LCORL: variants seen among roughly 807,000 people sequenced by gnomAD.
LCORL encodes ligand-dependent nuclear receptor corepressor-like protein.
Under a neutral mutation model 141.8 loss-of-function variants are expected in LCORL, and 41 were observed. That is an observed-to-expected ratio of 0.29 (90% CI 0.23 to 0.38). LCORL has a LOEUF of 0.38. LCORL is among the 10% of genes least tolerant of loss of function. The probability of loss-of-function intolerance (pLI) is 1.00; values close to 1 mark genes in which losing one functional copy is unlikely to be tolerated. For missense variants in LCORL, 1,759 were observed against 2,035.0 expected (o/e 0.86, Z 2.61); for synonymous variants, 618 against 694.1 (o/e 0.89, Z 1.72).
intron 1 of LCORL, among the ~76,000 whole-genome samples, chr4:17,973,690 C>T (rs1013143292): frequency 6.6e-6 from 1 of 151,242 alleles, no homozygotes; most frequent in Non-Finnish European, 1.5e-5. Context: ...ATGACAGACC[C>T]TATAAATCAA....
intron 1 of LCORL, among the ~76,000 whole-genome samples, chr4:17,996,352 G>T (rs576941823): frequency 9.2e-5 from 14 of 152,136 alleles, no homozygotes; most frequent in South Asian, 8.3e-4. Context: ...GGGGTTAATA[G>T]CATGCTTTAA....
chr4:17,982,253 T>C (rs1395834001), intron 1 of LCORL, among the ~76,000 whole-genome samples: 1 of 152,154 alleles, frequency 6.6e-6, no homozygotes, highest in Non-Finnish European at 1.5e-5. Flanking sequence ...TGCATGTGTC[T>C]TTACATACAA....
chr4:17,859,607 T>C (rs1196942171), intron 7 of LCORL, among the ~76,000 whole-genome samples: 5 of 152,216 alleles, frequency 3.3e-5, no homozygotes, highest in African/African-American at 1.2e-4. Flanking sequence ...ATGGGGAAAA[T>C]ACTTATTTTC....
chr4:17,956,866 T>A (rs539045711), intron 4 of LCORL, among the ~76,000 whole-genome samples: 1 of 152,238 alleles, frequency 6.6e-6, no homozygotes, highest in South Asian at 2.1e-4. Context: ...TTACACATTG[T>A]ATACATGTAT....
At chr4:17,910,124 T>C (rs1684470047) in intron 4 of LCORL, among the ~76,000 whole-genome samples, 1 of 152,202 alleles carries the variant, frequency 6.6e-6, no homozygotes, top group South Asian at 2.1e-4. Context: ...ACAACTATAA[T>C]AAAGTTCAAC....
At chr4:17,965,881 A>T (rs1313217247) in intron 2 of LCORL, among the ~76,000 whole-genome samples, 3 of 152,096 alleles carry the variant, frequency 2.0e-5, no homozygotes, top group African/African-American at 7.2e-5. Flanking sequence ...GAGTGTTTTA[A>T]TGCTTTTTGG....
At chr4:18,000,375 A>G (rs943848173) in intron 1 of LCORL, among the ~76,000 whole-genome samples, 3 of 152,156 alleles carry the variant, frequency 2.0e-5, no homozygotes, top group African/African-American at 7.2e-5. Context: ...CAAATCTCAA[A>G]CTTGGAGAGG....
At chr4:17,993,352 G>A (rs1577670775) in intron 1 of LCORL, among the ~76,000 whole-genome samples, 1 of 152,058 alleles carries the variant, frequency 6.6e-6, no homozygotes, top group African/African-American at 2.4e-5. Context: ...ACAGGCATGT[G>A]CCACCACAAC....
At chr4:17,947,306 T>C (rs1739037467) in intron 4 of LCORL, among the ~76,000 whole-genome samples, 1 of 151,940 alleles carries the variant, frequency 6.6e-6, no homozygotes, top group South Asian at 2.1e-4. Context: ...ATATTGCATG[T>C]CTTCACTTAT....
intron 5 of LCORL, among the ~76,000 whole-genome samples, chr4:17,892,695 C>T (rs1368985345): frequency 6.6e-6 from 1 of 152,056 alleles, no homozygotes; most frequent in Non-Finnish European, 1.5e-5. Context: ...TAGGAAAATG[C>T]TATAGGTGAA....
intron 5 of LCORL, among the ~76,000 whole-genome samples, chr4:17,891,401 T>C (rs1472978909): frequency 6.6e-6 from 1 of 152,132 alleles, no homozygotes; most frequent in Non-Finnish European, 1.5e-5. Context: ...ATCTTAAAAA[T>C]GTTTACACTC....
chr4:17,943,479 G>A (rs762257299), intron 4 of LCORL, among the ~76,000 whole-genome samples: 4 of 152,150 alleles, frequency 2.6e-5, no homozygotes, highest in Non-Finnish European at 4.4e-5. Context: ...ACTAACACTC[G>A]CTGAAAGGAA....
intron 1 of LCORL, among the ~76,000 whole-genome samples, chr4:18,004,494 C>G (rs1722475871): frequency 6.6e-6 from 1 of 152,142 alleles, no homozygotes; most frequent in Non-Finnish European, 1.5e-5. Flanking sequence ...CATTCACTAT[C>G]ATGAGAACAG....
At chr4:17,955,549 T>C (rs916054903) in intron 4 of LCORL, among the ~76,000 whole-genome samples, 13 of 152,098 alleles carry the variant, frequency 8.5e-5, no homozygotes, top group South Asian at 2.1e-4. Flanking sequence ...AAGTAGAGTA[T>C]ATAGTATAAT....
chr4:17,971,139 CAT>C (rs138472771), intron 2 of LCORL, among the ~76,000 whole-genome samples: 8,087 of 152,042 alleles, frequency 0.053, 242 homozygotes, highest in African/African-American at 0.072. Context: ...TTATATAACA[CAT>C]GTTTGATTTT....
At chr4:17,865,691 T>A (rs1461580757) in intron 7 of LCORL, among the ~76,000 whole-genome samples, 1 of 152,232 alleles carries the variant, frequency 6.6e-6, no homozygotes, top group Non-Finnish European at 1.5e-5. Flanking sequence ...TACACTCTAT[T>A]ACCAGTGGTT....
At chr4:17,985,909 T>G (rs1306727743) in intron 1 of LCORL, among the ~76,000 whole-genome samples, 1 of 152,176 alleles carries the variant, frequency 6.6e-6, no homozygotes, top group Non-Finnish European at 1.5e-5. Context: ...GATCTTTCCT[T>G]TCTACATTTA....
chr4:17,975,868 GTTAA>G (rs1266210930), intron 1 of LCORL, among the ~76,000 whole-genome samples: 1 of 152,168 alleles, frequency 6.6e-6, no homozygotes, highest in Non-Finnish European at 1.5e-5. Context: ...TACTATAAAT[GTTAA>G]TTAAGATTTA....
intron 4 of LCORL, among the ~76,000 whole-genome samples, chr4:17,931,524 A>G (rs187909133): frequency 1.5e-3 from 221 of 152,062 alleles, no homozygotes; most frequent in Non-Finnish European, 2.4e-3. Context: ...TTTTGTCATT[A>G]TCAATATTTT....
Sources: gnomAD v4.1 joint callset for allele counts (sites outside exome capture counted in the v4.1 genomes callset) on GRCh38, gnomAD v4.1.1 for gene constraint, MANE v1.5 for transcripts, NCBI Gene and HGNC (gene_info 2026-07-23, HGNC 2026-07-21) for gene names.